Variants in ZNF530 observed in about 807,000 individuals in gnomAD.
The protein encoded by ZNF530 is zinc finger protein 530.
In ZNF530, 5 loss-of-function variants were observed where a neutral mutation model predicts 2.8. That is an observed-to-expected ratio of 1.80 (90% CI 0.94 to 3.78). The LOEUF is 3.78. Among genes scored for constraint, ZNF530 ranks in the 30% most tolerant of loss-of-function variants. The pLI, the probability that ZNF530 is intolerant of heterozygous loss-of-function variation, is 0.00. For synonymous variants in ZNF530, 229 were observed against 235.0 expected (o/e 0.97, Z 0.23); for missense variants, 619 against 673.3 (o/e 0.92, Z 0.89).
chr19:57,603,587 TGTTACTGTTTAGTGCA>T lies in ZNF530; in HGVS notation c.-69-671_-69-656del, dbSNP rs548146716. On this transcript the variant is annotated intron_variant, in intron 2 of 3. Transcript: ENST00000597700. Reference sequence around the variant, plus strand: ...AGGGTAGCAAGACAGTTACTGTTACTGTTACTGTTTAGTGCAGTTACTGTTTAGTGCAGTACAAGTT... The same window carrying T: ...AGGGTAGCAAGACAGTTACTGTTACTGTTACTGTTTAGTGCAGTACAAGTT... 3.9e-5 allele frequency among the ~76,000 whole-genome samples: 6 copies of T among 152,356 alleles called. No individual in the cohort carries two copies. The East Asian group carries it at 5.8e-4, about 15-fold the overall frequency.
At chr19:57,604,011 G>A (rs1382371513) in intron 2 of ZNF530, among the ~76,000 whole-genome samples, 3 of 152,206 alleles carry the variant, frequency 2.0e-5, no homozygotes, top group Non-Finnish European at 4.4e-5. Context: ...CTTCAGTTGT[G>A]TTTGGGAGCC....
chr19:57,605,655 C>G (rs534331833), intron 3 of ZNF530, 31 bp from the exon 4 acceptor site: 1 of 1,554,700 alleles, frequency 6.4e-7, no homozygotes, highest in Non-Finnish European at 8.7e-7. Flanking sequence ...CATAGTAAAT[C>G]TGTGTTTTCT....
Position 57,607,067 on chromosome 19 carries a change from T to C in ZNF530, c.1443T>C (p.Thr481=). ...TCATTCGACACCAGACTGTTCACAC[T>C]AATGAAAGGCCTTATGAGTGCGATG... ...THLIRHQTVH[T]NERPYECDEC... is the part of the protein sequence containing the mutation. Residue 481 remains threonine, a synonymous_variant, in exon 4 of 4, where the codon ACT becomes ACC. Transcript: ENST00000597700. The C allele has an allele frequency of 6.2e-7, 1 of 1,613,134 alleles. No homozygotes were observed. Among genetic ancestry groups the C allele is most frequent in the Non-Finnish European group, 8.5e-7 (1 of 1,179,316 alleles).
At position 57,606,620 on chromosome 19, in the gene ZNF530, C is replaced by A. The variant is rs1980558442; in HGVS notation, c.996C>A (p.Asn332Lys). The A allele has an allele frequency of 1.2e-6, 2 of 1,614,024 alleles. No individual in the cohort carries two copies. Among genetic ancestry groups the A allele is most frequent in the South Asian group, 2.2e-5 (2 of 91,082 alleles). The part of the protein sequence containing the change: ...ECGKSFSHST[N>K]LFRHWRVHTG... ...GAAAATCCTTTAGCCATAGCACTAA[C>A]CTCTTTCGACACTGGAGAGTTCACA... is the stretch of plus-strand genomic sequence containing the variant. Residue 332 changes from asparagine (N) to lysine (K), a missense_variant, in exon 4 of 4, where the codon AAC (asparagine) becomes AAA (lysine). By Grantham distance (94) the Asn-to-Lys change is moderately conservative. Transcript: ENST00000597700.
At chr19:57,604,781 A>G in intron 3 of ZNF530, 1 of 184,618 alleles carries the variant, frequency 5.4e-6, no homozygotes, top group Non-Finnish European at 1.1e-5. Context: ...CATGTTAACT[A>G]CTTAACTGGT....
chr19:57,604,563 C>A, intron 3 of ZNF530, 157 bp downstream of exon 3: 1 of 958,572 alleles, frequency 1.0e-6, no homozygotes, highest in Non-Finnish European at 1.6e-6. Flanking sequence ...AAGCAAGGCA[C>A]TCTCAGACTG....
At chr19:57,611,450 A>C (rs2123471147), downstream of ZNF530, among the ~76,000 whole-genome samples, 1 of 151,632 alleles carries the variant, frequency 6.6e-6, no homozygotes, top group South Asian at 2.1e-4. Context: ...TACTGCATGC[A>C]CAGTGGTCTG....
chr19:57,605,552 C>A, intron 3 of ZNF530, 134 bp from the exon 4 acceptor site: 1 of 868,210 alleles, frequency 1.2e-6, no homozygotes. Flanking sequence ...CTTGTAGAGG[C>A]TTTTTTCCAC....
At chr19:57,602,591 G>A (rs1463201185) in intron 2 of ZNF530, among the ~76,000 whole-genome samples, 4 of 152,160 alleles carry the variant, frequency 2.6e-5, no homozygotes, top group Non-Finnish European at 5.9e-5. Flanking sequence ...ACAAATACAG[G>A]TTATAGAGGG....
chr19:57,604,333 G>T lies in ZNF530; in HGVS notation c.-13G>T. 6.2e-7 allele frequency: 1 copy of T among 1,614,130 alleles called. No individual in the cohort carries two copies. The highest frequency in any genetic ancestry group is 8.5e-7 in the Non-Finnish European group (1 of 1,179,996). ...TTTACTTCTCCCAGGAGGAGTGGGA[G>T]CTCCTTGATGAGATGCAGAGGCTCC... is the stretch of plus-strand genomic sequence containing the variant. On this transcript the variant is annotated 5_prime_UTR_variant, in exon 3 of 4. Coordinates refer to ENST00000597700, the MANE Select transcript of ZNF530 (RefSeq NM_001321981.2).
downstream of ZNF530, among the ~76,000 whole-genome samples, chr19:57,610,176 CATATTT>C (rs1980818526): frequency 1.3e-5 from 2 of 152,204 alleles, no homozygotes; most frequent in Non-Finnish European, 2.9e-5. Flanking sequence ...ATCTCACCTG[CATATTT>C]TACTTTTGCT....
At chr19:57,610,412 A>ATATG (rs756027774), downstream of ZNF530, among the ~76,000 whole-genome samples, 7,889 of 147,196 alleles carry the variant, frequency 0.054, 256 homozygotes, top group Non-Finnish European at 0.073. Context: ...AAGTGTACAT[A>ATATG]TGTGTGTGTG....
At chr19:57,610,909 C>T (rs78839831), downstream of ZNF530, among the ~76,000 whole-genome samples, 193 of 152,222 alleles carry the variant, frequency 1.3e-3, no homozygotes, top group African/African-American at 4.6e-3. Flanking sequence ...ACCACCCTCT[C>T]ATTAAGGAAG....
chr19:57,604,185 G>A (rs536175194), intron 2 of ZNF530, 92 bp from the exon 3 acceptor site: 14 of 1,579,316 alleles, frequency 8.9e-6, no homozygotes, highest in Non-Finnish European at 1.2e-5. Flanking sequence ...GGGGAGATGG[G>A]GAGGAGGGTG....
rs569976819 is a variant in ZNF530 at position 57,599,911 on chromosome 19, G to T, written c.-345G>T. On this transcript the variant is annotated 5_prime_UTR_variant, in exon 1 of 4. Transcript: ENST00000597700. ...GAACTTCCGGCGTCCTCCCTGTGGC[G>T]GGCACTTTGGCTTGTGTCAGTTCCA... 1.9e-5 allele frequency: 10 copies of T among 537,306 alleles called. No individual in the cohort carries two copies. Among genetic ancestry groups the T allele is most frequent in the African/African-American group, 1.7e-4 (9 of 52,294 alleles). The allele number at this position is 537,306 out of a possible 1,614,324, so 33.3% of individuals were successfully genotyped here. A position where few individuals can be genotyped will look rare whatever the true frequency, so the allele number is the denominator to read the frequency against.
Position 57,599,907 on chromosome 19 carries a change from T to G in ZNF530, c.-349T>G, listed in dbSNP as rs1253217052. The G allele has an allele frequency of 1.9e-6, 1 of 531,222 alleles. No homozygotes were observed. The highest frequency in any genetic ancestry group is 3.3e-6 in the Non-Finnish European group (1 of 304,548). The allele number at this position is 531,222 out of a possible 1,614,324, so 32.9% of individuals were successfully genotyped here. ...AGCGGAACTTCCGGCGTCCTCCCTG[T>G]GGCGGGCACTTTGGCTTGTGTCAGT... On this transcript the variant is annotated 5_prime_UTR_variant, in exon 1 of 4. Transcript: ENST00000597700.
chr19:57,607,413 C>T lies in ZNF530; in HGVS notation c.*88C>T, dbSNP rs1980643597. ...AGGCTGGAGTGCAATTGTGCAATCTCAGCTCACTGCAACCTCCGCCTCCTG... is the reference window on the plus strand; with the variant it reads ...AGGCTGGAGTGCAATTGTGCAATCTTAGCTCACTGCAACCTCCGCCTCCTG... On this transcript the variant is annotated 3_prime_UTR_variant, in exon 4 of 4. Coordinates refer to ENST00000597700, the MANE Select transcript of ZNF530 (RefSeq NM_001321981.2). 3.0e-6 allele frequency: 4 copies of T among 1,315,124 alleles called. No homozygotes were observed. Among genetic ancestry groups the T allele is most frequent in the East Asian group, 2.5e-5 (1 of 40,520 alleles). 81.5% of individuals were successfully genotyped at this position (1,315,124 alleles called of 1,614,324 possible). A position where few individuals can be genotyped will look rare whatever the true frequency, so the allele number is the denominator to read the frequency against.
rs1385847489 is a variant in ZNF530 at position 57,607,021 on chromosome 19, CTT to C, written c.1400_1401del (p.Phe467TyrfsTer15). 8.1e-6 allele frequency: 13 copies of C among 1,613,144 alleles called. No individual in the cohort carries two copies. The highest frequency in any genetic ancestry group is 1.1e-5 in the Non-Finnish European group (13 of 1,179,286). ...TATGAGTGCAGTGTATGTGGGAAAT[CTT>C]TTATCCGAAAAACCCACCTCATTCG... On this transcript the variant is annotated frameshift_variant, in exon 4 of 4. Transcript: ENST00000597700. LOFTEE classifies it low-confidence loss of function (END_TRUNC).
At position 57,607,412 on chromosome 19, in the gene ZNF530, T is replaced by C; in HGVS notation, c.*87T>C. The C allele has an allele frequency of 7.4e-7, 1 of 1,344,212 alleles. No individual in the cohort carries two copies. The highest frequency in any genetic ancestry group is 1.0e-6 in the Non-Finnish European group (1 of 999,320). The allele number at this position is 1,344,212 out of a possible 1,614,324, so 83.3% of individuals were successfully genotyped here. On this transcript the variant is annotated 3_prime_UTR_variant, in exon 4 of 4. Coordinates refer to ENST00000597700, the MANE Select transcript of ZNF530 (RefSeq NM_001321981.2). Reference sequence around the variant, plus strand: ...CAGGCTGGAGTGCAATTGTGCAATCTCAGCTCACTGCAACCTCCGCCTCCT... The same window carrying C: ...CAGGCTGGAGTGCAATTGTGCAATCCCAGCTCACTGCAACCTCCGCCTCCT...
Sources: gnomAD v4.1 joint callset for allele counts (sites outside exome capture counted in the v4.1 genomes callset) on GRCh38, gnomAD v4.1.1 for gene constraint, MANE v1.5 for transcripts, NCBI Gene and HGNC (gene_info 2026-07-23, HGNC 2026-07-21) for gene names.